The following TESC variants were observed in gnomAD, a reference collection of about 807,000 sequenced individuals.
TESC encodes the protein calcineurin B homologous protein 3.
TESC carries 19 observed loss-of-function variants against 31.0 expected under a neutral mutation model. The observed-to-expected ratio is 0.61, with a 90% confidence interval of 0.43 to 0.90. The LOEUF is 0.90. TESC is among the 40% of genes least tolerant of loss of function. The probability of loss-of-function intolerance (pLI) is 0.00; values close to 1 mark genes in which losing one functional copy is unlikely to be tolerated. For synonymous variants in TESC, 109 were observed against 114.8 expected (o/e 0.95, Z 0.32); for missense variants, 248 against 303.8 (o/e 0.82, Z 1.36).
chr12:117,052,557 G>T (rs1361680778), intron 3 of TESC, among the ~76,000 whole-genome samples: 1 of 152,148 alleles, frequency 6.6e-6, no homozygotes, highest in Non-Finnish European at 1.5e-5. Context: ...CTCCACACCA[G>T]GTTTCTCTAA....
At chr12:117,063,020 C>G (rs1372267553) in intron 2 of TESC, among the ~76,000 whole-genome samples, 2 of 152,230 alleles carry the variant, frequency 1.3e-5, no homozygotes, top group Non-Finnish European at 2.9e-5. Flanking sequence ...AGAGCTTGAG[C>G]CCTCGGGGCT....
At chr12:117,057,752 T>C (rs1565963499) in intron 2 of TESC, among the ~76,000 whole-genome samples, 1 of 152,014 alleles carries the variant, frequency 6.6e-6, no homozygotes, top group Non-Finnish European at 1.5e-5. Flanking sequence ...ATGTGGCCCA[T>C]GCAATGGAGT....
At chr12:117,079,344 T>C (rs1955114740) in intron 1 of TESC, among the ~76,000 whole-genome samples, 1 of 152,004 alleles carries the variant, frequency 6.6e-6, no homozygotes, top group Admixed American at 6.6e-5. Context: ...GGTGGATCAC[T>C]TGAGGTCAGG....
intron 6 of TESC, among the ~76,000 whole-genome samples, 179 bp from the exon 7 acceptor site, chr12:117,042,173 C>T (rs982786709): frequency 6.6e-6 from 1 of 152,220 alleles, no homozygotes; most frequent in African/African-American, 2.4e-5. Flanking sequence ...AGCATGGAGC[C>T]GGTCACCCTG....
intron 1 of TESC, among the ~76,000 whole-genome samples, chr12:117,090,210 T>C (rs1955287822): frequency 6.6e-6 from 1 of 151,488 alleles, no homozygotes; most frequent in African/African-American, 2.4e-5. Flanking sequence ...TAAGGAAGAG[T>C]GGTTGCAAGA....
Position 117,075,895 on chromosome 12 carries a change from A to ATGTG in TESC, c.59-556_59-555insCACA, listed in dbSNP as rs1294018242. On this transcript the variant is annotated intron_variant, in intron 1 of 7. Coordinates refer to ENST00000335209, the MANE Select transcript of TESC (RefSeq NM_017899.4). ...TGTGTGTATATATATATATATATAT[A>ATGTG]TATATATATATATATATATGTGTGT... Among the ~76,000 whole-genome samples, 423 of 82,958 alleles carry ATGTG rather than the reference A, an allele frequency of 5.1e-3. 8 individuals are homozygous for ATGTG. Among genetic ancestry groups the ATGTG allele is most frequent in the African/African-American group, 7.0e-3 (98 of 14,054 alleles). 54.4% of individuals were successfully genotyped at this position (82,958 alleles called of 152,430 possible).
intron 6 of TESC, among the ~76,000 whole-genome samples, chr12:117,042,234 G>A (rs902655229): frequency 3.3e-5 from 5 of 152,122 alleles, no homozygotes; most frequent in Admixed American, 2.0e-4. Context: ...GGAGCCGAGC[G>A]TCGCTCACCA....
chr12:117,081,527 C>T (rs1955147369), intron 1 of TESC, among the ~76,000 whole-genome samples: 2 of 152,230 alleles, frequency 1.3e-5, no homozygotes, highest in South Asian at 4.1e-4. Context: ...GAACTTGATC[C>T]CTAGGAACAA....
intron 1 of TESC, among the ~76,000 whole-genome samples, chr12:117,097,096 GC>G (rs2135810677): frequency 6.6e-6 from 1 of 152,226 alleles, no homozygotes; most frequent in Admixed American, 6.5e-5. Context: ...TAAATCCCCA[GC>G]CCCTGGTCTA....
intron 2 of TESC, among the ~76,000 whole-genome samples, chr12:117,073,926 T>C (rs1385510299): frequency 6.9e-6 from 1 of 144,164 alleles, no homozygotes; most frequent in South Asian, 2.2e-4. Context: ...AAAAAAAAAA[T>C]ACAAAACAAT....
intron 6 of TESC, among the ~76,000 whole-genome samples, chr12:117,042,872 G>T (rs1288527722): frequency 6.6e-6 from 1 of 152,182 alleles, no homozygotes; most frequent in Non-Finnish European, 1.5e-5. Flanking sequence ...TATGCCTAGT[G>T]TTCCATTACT....
chr12:117,084,246 G>A (rs1211458873), intron 1 of TESC, among the ~76,000 whole-genome samples: 2 of 152,192 alleles, frequency 1.3e-5, no homozygotes, highest in South Asian at 2.1e-4. Flanking sequence ...TGGGGATGAA[G>A]GGGCAATAGA....
intron 4 of TESC, 113 bp from the exon 5 acceptor site, chr12:117,046,951 A>C: frequency 8.8e-7 from 1 of 1,139,500 alleles, no homozygotes; most frequent in Non-Finnish European, 1.3e-6. Context: ...CTCAATGCCA[A>C]AGCCAGAGGG....
chr12:117,093,580 A>G (rs1219421061), intron 1 of TESC, among the ~76,000 whole-genome samples: 5 of 152,204 alleles, frequency 3.3e-5, no homozygotes, highest in Non-Finnish European at 7.3e-5. Context: ...TCTCATTATG[A>G]TGCCTGTGGC....
At chr12:117,090,603 G>A (rs1319976796) in intron 1 of TESC, among the ~76,000 whole-genome samples, 4 of 152,146 alleles carry the variant, frequency 2.6e-5, no homozygotes, top group African/African-American at 7.2e-5. Flanking sequence ...GCTCAGGGAG[G>A]CAAAGTGCTT....
At chr12:117,048,831 T>C in intron 4 of TESC, 188 bp downstream of exon 4, 1 of 876,708 alleles carries the variant, frequency 1.1e-6, no homozygotes. Context: ...ATGTTTAGGA[T>C]GAAGGTGCCG....
chr12:117,066,298 C>T (rs1954880811), intron 2 of TESC, among the ~76,000 whole-genome samples: 1 of 148,382 alleles, frequency 6.7e-6, no homozygotes, highest in South Asian at 2.2e-4. Context: ...CCTTCACCTC[C>T]TGGGTTCAAC....
chr12:117,074,153 A>G (rs1421191011), intron 2 of TESC, among the ~76,000 whole-genome samples: 3 of 152,154 alleles, frequency 2.0e-5, no homozygotes, highest in Admixed American at 2.0e-4. Flanking sequence ...TGAGCCCAGG[A>G]GTTCAAGACC....
chr12:117,089,276 C>A lies in TESC; in HGVS notation c.58+9949G>T, dbSNP rs76622551. Reference sequence around the variant, plus strand: ...TCAGACTGGTGAAAAGCTTGAGACACCTAGCACAAGAAATGCAAATGCACT... The same window carrying A: ...TCAGACTGGTGAAAAGCTTGAGACAACTAGCACAAGAAATGCAAATGCACT... On this transcript the variant is annotated intron_variant, in intron 1 of 7. Coordinates refer to ENST00000335209, the MANE Select transcript of TESC (RefSeq NM_017899.4). Among the ~76,000 whole-genome samples the A allele has an allele frequency of 6.5e-3, 986 of 152,256 alleles. 32 individuals carry two copies. In the East Asian group the frequency reaches 0.1, roughly 16 times the overall value.
Sources: gnomAD v4.1 joint callset for allele counts (sites outside exome capture counted in the v4.1 genomes callset) on GRCh38, gnomAD v4.1.1 for gene constraint, MANE v1.5 for transcripts, NCBI Gene and HGNC (gene_info 2026-07-23, HGNC 2026-07-21) for gene names.